The following GNA12 variants were observed in gnomAD, a reference collection of about 807,000 sequenced individuals.
The protein encoded by GNA12 is G protein subunit alpha 12, also known as guanine nucleotide-binding protein subunit alpha-12.
In GNA12, 9 loss-of-function variants were observed where a neutral mutation model predicts 26.0. That is an observed-to-expected ratio of 0.35 (90% CI 0.21 to 0.60). The LOEUF (loss-of-function observed/expected upper bound fraction) is 0.60. GNA12 is among the 20% of genes least tolerant of loss of function. The pLI is 0.78. For synonymous variants in GNA12, 264 were observed against 219.6 expected, an observed-to-expected ratio of 1.20 and a Z score of -1.79; for missense variants, 405 against 525.8, an observed-to-expected ratio of 0.77 and a Z score of 2.25.
At chr7:2,735,902 G>T (rs1371370976) in intron 2 of GNA12, among the ~76,000 whole-genome samples, 1 of 152,130 alleles carries the variant, frequency 6.6e-6, no homozygotes, top group Non-Finnish European at 1.5e-5. Flanking sequence ...GGGGAGGGAA[G>T]AAGGGGACAC....
At chr7:2,811,373 CA>C (rs1793077525) in intron 1 of GNA12, among the ~76,000 whole-genome samples, 1 of 152,172 alleles carries the variant, frequency 6.6e-6, no homozygotes, top group Non-Finnish European at 1.5e-5. Context: ...GACAAAGGAG[CA>C]ACAAAGCTGC....
chr7:2,733,857 G>C (rs943146701), intron 2 of GNA12, among the ~76,000 whole-genome samples: 3 of 152,216 alleles, frequency 2.0e-5, no homozygotes, highest in Admixed American at 6.5e-5. Flanking sequence ...GGACAGGCTA[G>C]AATAGGATTT....
chr7:2,734,086 G>T (rs1790037279), intron 2 of GNA12, among the ~76,000 whole-genome samples: 1 of 152,208 alleles, frequency 6.6e-6, no homozygotes, highest in African/African-American at 2.4e-5. Context: ...GTGGTGGAAT[G>T]ATGGCCAGTC....
intron 1 of GNA12, among the ~76,000 whole-genome samples, chr7:2,818,754 A>G (rs1422835362): frequency 7.6e-6 from 1 of 130,944 alleles, no homozygotes; most frequent in Non-Finnish European, 1.7e-5. Context: ...CAGAGACCCT[A>G]ACTTGAAAAA....
intron 2 of GNA12, among the ~76,000 whole-genome samples, chr7:2,781,962 T>C (rs560924778): frequency 2.0e-5 from 3 of 152,312 alleles, no homozygotes; most frequent in African/African-American, 7.2e-5. Context: ...TAAGCATAGA[T>C]GTATAGATTG....
At chr7:2,828,430 T>C (rs1793531180) in intron 1 of GNA12, among the ~76,000 whole-genome samples, 1 of 152,208 alleles carries the variant, frequency 6.6e-6, no homozygotes, top group Admixed American at 6.5e-5. Context: ...CCTAGCTTAC[T>C]GTAATCTTGA....
rs998050899 is a variant in GNA12, at chr7:2,765,706, C to T, written c.525+29222G>A. Among the ~76,000 whole-genome samples the T allele has an allele frequency of 4.6e-5, 7 of 152,080 alleles. No homozygotes were observed. In the East Asian group the frequency reaches 1.4e-3, roughly 29 times the overall value. ...AGTGCGATGGCATGATCTTGGCTCA[C>T]CACAACCTCCGCCTCCTGGGTTCAA... On this transcript the variant is annotated intron_variant, in intron 2 of 3. Transcript: ENST00000275364.
At chr7:2,796,058 G>A (rs967122371) in intron 1 of GNA12, among the ~76,000 whole-genome samples, 1 of 151,818 alleles carries the variant, frequency 6.6e-6, no homozygotes, top group African/African-American at 2.4e-5. Context: ...AGAGAGGGGG[G>A]TTCCACCATG....
At chr7:2,798,552 C>A (rs542505867) in intron 1 of GNA12, among the ~76,000 whole-genome samples, 29 of 152,098 alleles carry the variant, frequency 1.9e-4, no homozygotes, top group Non-Finnish European at 3.7e-4. Flanking sequence ...ACCACGGTCA[C>A]GAATTAGAAG....
chr7:2,784,155 T>C (rs1314566679), intron 2 of GNA12, among the ~76,000 whole-genome samples: 1 of 152,234 alleles, frequency 6.6e-6, no homozygotes, highest in Non-Finnish European at 1.5e-5. Context: ...TCTTGCTTTG[T>C]CACTGAGGCT....
rs989580333 is a variant in GNA12, at chr7:2,728,996, T to A, written c.*2185A>T. 1 of 152,420 alleles carries A rather than the reference T, an allele frequency of 6.6e-6. No homozygotes were observed. The highest frequency in any genetic ancestry group is 1.9e-4 in the East Asian group (1 of 5,338). 9.4% of individuals were successfully genotyped at this position (152,420 alleles called of 1,614,324 possible). A position where few individuals can be genotyped will look rare whatever the true frequency, so the allele number is the denominator to read the frequency against. ...ACCCCACAATATCTCCTTCCTCTCA[T>A]GCTTCTGGTTTGAAAGTGACGAGTA... On this transcript the variant is annotated 3_prime_UTR_variant, in exon 4 of 4. Transcript: ENST00000275364.
At chr7:2,745,739 G>C (rs989213827) in intron 2 of GNA12, among the ~76,000 whole-genome samples, 3 of 152,204 alleles carry the variant, frequency 2.0e-5, no homozygotes, top group African/African-American at 7.2e-5. Context: ...TGGATAAAGA[G>C]TCAAGACCCA....
At position 2,733,569 on chromosome 7, in the gene GNA12, A is replaced by G. The variant is rs753676837; in HGVS notation, c.526-68T>C. ...GAATCCTGATGTGGCAAATACAAGA[A>G]CTGAACAGGGTAAGAGCAGTGGCAT... On this transcript the variant is annotated intron_variant, in intron 2 of 3. Coordinates refer to ENST00000275364, the MANE Select transcript of GNA12 (RefSeq NM_007353.3). 363 of 1,249,094 alleles carry G rather than the reference A, an allele frequency of 2.9e-4. 1 individual carries two copies. Among genetic ancestry groups the G allele is most frequent in the Non-Finnish European group, 4.1e-4 (351 of 854,790 alleles). 77.4% of individuals were successfully genotyped at this position (1,249,094 alleles called of 1,614,324 possible). A position where few individuals can be genotyped will look rare whatever the true frequency, so the allele number is the denominator to read the frequency against.
intron 2 of GNA12, among the ~76,000 whole-genome samples, chr7:2,752,312 T>C (rs1214762698): frequency 6.6e-6 from 1 of 152,218 alleles, no homozygotes; most frequent in African/African-American, 2.4e-5. Context: ...AGGGCATCTA[T>C]GAAAACCATG....
chr7:2,835,858 CAAG>C (rs1778822410), intron 1 of GNA12: 2 of 596,776 alleles, frequency 3.4e-6, no homozygotes, highest in African/African-American at 3.7e-5. Flanking sequence ...TAGCCATTCT[CAAG>C]AAGAAACACA....
At chr7:2,745,859 G>A (rs1369534458) in intron 2 of GNA12, among the ~76,000 whole-genome samples, 1 of 151,952 alleles carries the variant, frequency 6.6e-6, no homozygotes, top group East Asian at 1.9e-4. Context: ...AAAAACGCAG[G>A]GGTTGCAATC....
chr7:2,773,702 A>C (rs1410302451), intron 2 of GNA12, among the ~76,000 whole-genome samples: 1 of 152,154 alleles, frequency 6.6e-6, no homozygotes, highest in Non-Finnish European at 1.5e-5. Flanking sequence ...AAATACAAAC[A>C]CTGTGAAAAA....
At chr7:2,797,978 AAC>A (rs1215255418) in intron 1 of GNA12, among the ~76,000 whole-genome samples, 5 of 152,238 alleles carry the variant, frequency 3.3e-5, no homozygotes, top group Non-Finnish European at 7.3e-5. Flanking sequence ...GCAAACTAGG[AAC>A]AGAGAAATGC....
chr7:2,811,350 G>A (rs1301924184), intron 1 of GNA12, among the ~76,000 whole-genome samples: 1 of 152,154 alleles, frequency 6.6e-6, no homozygotes, highest in Non-Finnish European at 1.5e-5. Context: ...ATGACACCGC[G>A]GCTCACACAG....
Sources: gnomAD v4.1 joint callset for allele counts (sites outside exome capture counted in the v4.1 genomes callset) on GRCh38, gnomAD v4.1.1 for gene constraint, MANE v1.5 for transcripts, NCBI Gene and HGNC (gene_info 2026-07-23, HGNC 2026-07-21) for gene names.